The following GAB1 variants were observed in gnomAD, a reference collection of about 807,000 sequenced individuals.
GAB1 encodes GRB2-associated-binding protein 1.
Under a neutral mutation model 66.5 loss-of-function variants are expected in GAB1, and 19 were observed. The observed-to-expected ratio is 0.29, with a 90% CI of 0.20 to 0.42. GAB1 has a LOEUF of 0.42. Ranked by LOEUF, GAB1 falls within the 10% of genes least tolerant of loss-of-function variation. The pLI, the probability that GAB1 is intolerant of heterozygous loss-of-function variation, is 1.00. For synonymous variants in GAB1, 294 were observed against 301.4 expected (o/e 0.98, Z 0.25); for missense variants, 732 against 858.5 (o/e 0.85, Z 1.84).
At chr4:143,350,103 G>A (rs1050090903) in intron 1 of GAB1, 18 of 1,249,590 alleles carry the variant, frequency 1.4e-5, no homozygotes, top group Admixed American at 2.1e-5. Context: ...CCGCTGCACC[G>A]GCGTCATCCG....
At chr4:143,356,330 C>T (rs1170043471) in intron 1 of GAB1, among the ~76,000 whole-genome samples, 1 of 152,112 alleles carries the variant, frequency 6.6e-6, no homozygotes, top group Non-Finnish European at 1.5e-5. Context: ...TGTGTAAATG[C>T]TATTTCCATT....
intron 3 of GAB1, among the ~76,000 whole-genome samples, chr4:143,437,046 AGCACAATGTG>A (rs1733974586): frequency 6.6e-6 from 1 of 152,198 alleles, no homozygotes; most frequent in South Asian, 2.1e-4. Context: ...AGAAAACAAA[AGCACAATGTG>A]GCACAATGTG....
chr4:143,412,974 T>G (rs1732475942), intron 1 of GAB1, among the ~76,000 whole-genome samples: 1 of 152,210 alleles, frequency 6.6e-6, no homozygotes, highest in African/African-American at 2.4e-5. Context: ...GAGAGTCTCC[T>G]GAAGTGCAGT....
chr4:143,454,900 CT>C lies in GAB1; in HGVS notation c.1586-4475del, dbSNP rs28925922. Among the ~76,000 whole-genome samples the C allele has an allele frequency of 7.0e-4, 105 of 148,962 alleles. No homozygotes were observed. In the South Asian group the frequency reaches 9.8e-3, roughly 14 times the overall value. ...CAAGATAGGAGCTGAGTTTCTCTCT[CT>C]TTTTTTTTTAATCTATTATGATTAG... On this transcript the variant is annotated intron_variant, in intron 6 of 9. Coordinates refer to ENST00000262994, the MANE Select transcript of GAB1 (RefSeq NM_002039.4).
At chr4:143,375,500 C>T (rs1730376104) in intron 1 of GAB1, among the ~76,000 whole-genome samples, 1 of 152,160 alleles carries the variant, frequency 6.6e-6, no homozygotes, top group Non-Finnish European at 1.5e-5. Flanking sequence ...GGGATCATTG[C>T]TGACTTATCT....
intron 6 of GAB1, among the ~76,000 whole-genome samples, chr4:143,449,168 T>C (rs1431617518): frequency 6.8e-6 from 1 of 147,978 alleles, no homozygotes; most frequent in East Asian, 1.9e-4. Context: ...TTTGTTATAA[T>C]TTCTGTTCTT....
chr4:143,342,428 A>G (rs1728850046), intron 1 of GAB1, among the ~76,000 whole-genome samples: 1 of 152,164 alleles, frequency 6.6e-6, no homozygotes, highest in African/African-American at 2.4e-5. Flanking sequence ...TAAGGAGTAA[A>G]ACACACAGCG....
intron 6 of GAB1, among the ~76,000 whole-genome samples, chr4:143,449,431 CTT>C (rs1194668013): frequency 6.6e-6 from 1 of 151,710 alleles, no homozygotes; most frequent in African/African-American, 2.4e-5. Flanking sequence ...GTCTAAGTCT[CTT>C]TGTAGGTCAC....
intron 1 of GAB1, among the ~76,000 whole-genome samples, chr4:143,399,063 C>G (rs1483057852): frequency 6.6e-6 from 1 of 152,106 alleles, no homozygotes; most frequent in East Asian, 1.9e-4. Context: ...TTTTACTTTA[C>G]CTGTTCTTTG....
intron 2 of GAB1, chr4:143,417,462 C>A (rs1323155078): frequency 2.3e-6 from 1 of 427,658 alleles, no homozygotes; most frequent in East Asian, 7.8e-5. Flanking sequence ...GGCTGGAGTA[C>A]AGTGGCATGA....
At chr4:143,393,243 A>G (rs1324458916) in intron 1 of GAB1, among the ~76,000 whole-genome samples, 130 of 151,192 alleles carry the variant, frequency 8.6e-4, no homozygotes, top group African/African-American at 2.9e-3. Flanking sequence ...AAAAAAAAAA[A>G]GAAAAAAAAA....
chr4:143,357,004 C>T (rs1279527550), intron 1 of GAB1, among the ~76,000 whole-genome samples: 7 of 152,064 alleles, frequency 4.6e-5, no homozygotes, highest in Admixed American at 4.6e-4. Flanking sequence ...AAAGAGGTAC[C>T]TTAGGACATG....
intron 6 of GAB1, among the ~76,000 whole-genome samples, chr4:143,455,872 A>G (rs561601884): frequency 7.2e-5 from 11 of 152,272 alleles, no homozygotes; most frequent in African/African-American, 2.6e-4. Flanking sequence ...ATTTCCTAAG[A>G]TTCTCTATAT....
At chr4:143,354,595 TA>T (rs1172643783) in intron 1 of GAB1, among the ~76,000 whole-genome samples, 4 of 152,038 alleles carry the variant, frequency 2.6e-5, no homozygotes, top group Admixed American at 2.0e-4. Context: ...GTGTTTCTTT[TA>T]AAAAAAACTT....
In GAB1 at chr4:143,469,205, A is replaced by G. The variant is rs1355459997; in HGVS notation, c.*16A>G. 2 of 1,612,776 alleles carry G rather than the reference A, an allele frequency of 1.2e-6. No individual in the cohort carries two copies. The highest frequency in any genetic ancestry group is 1.7e-6 in the Non-Finnish European group (2 of 1,179,346). ...TGTGAAATGAAAATATTGCCTTGCC[A>G]TTTCTGAACAAAAGAAAACTGAATT... On this transcript the variant is annotated 3_prime_UTR_variant, in exon 10 of 10. Transcript: ENST00000262994.
chr4:143,405,250 G>A (rs138869479), intron 1 of GAB1, among the ~76,000 whole-genome samples: 1,637 of 152,186 alleles, frequency 0.011, 12 homozygotes, highest in South Asian at 0.032. Flanking sequence ...GAGAGACTAT[G>A]TAACTGTGTA....
chr4:143,467,644 G>A (rs1453205304), intron 9 of GAB1, among the ~76,000 whole-genome samples: 1 of 151,992 alleles, frequency 6.6e-6, no homozygotes, highest in Non-Finnish European at 1.5e-5. Context: ...ACCTCATTTT[G>A]TTGAACATAT....
At chr4:143,387,161 C>T (rs1023005774) in intron 1 of GAB1, among the ~76,000 whole-genome samples, 2 of 152,086 alleles carry the variant, frequency 1.3e-5, no homozygotes, top group African/African-American at 2.4e-5. Flanking sequence ...GACAGAGTTT[C>T]GCTCTTTTTG....
intron 2 of GAB1, chr4:143,424,986 A>T (rs140396631): frequency 3.0e-6 from 2 of 661,738 alleles, no homozygotes. Flanking sequence ...TTTCTGTGCT[A>T]CCCACAGAGG....
Sources: gnomAD v4.1 joint callset for allele counts (sites outside exome capture counted in the v4.1 genomes callset) on GRCh38, gnomAD v4.1.1 for gene constraint, MANE v1.5 for transcripts, NCBI Gene and HGNC (gene_info 2026-07-23, HGNC 2026-07-21) for gene names.